CFDP1: variants seen among roughly 807,000 people sequenced by gnomAD.
CFDP1 encodes heterochromatin-stabilizing protein CFDP1.
A neutral mutation model predicts 40.1 loss-of-function variants in CFDP1; 31 were observed. The observed-to-expected ratio is 0.77, with a 90% CI of 0.58 to 1.04. CFDP1 has a LOEUF of 1.04. Ranked by LOEUF, CFDP1 falls within the 50% of genes least tolerant of loss-of-function variation. The probability of loss-of-function intolerance (pLI) is 0.00; values close to 1 mark genes in which losing one functional copy is unlikely to be tolerated. For synonymous variants in CFDP1, 167 were observed against 120.0 expected (o/e 1.39, Z -2.56); for missense variants, 423 against 343.4 (o/e 1.23, Z -1.83).
intron 5 of CFDP1, among the ~76,000 whole-genome samples, chr16:75,345,476 A>T (rs890038557): frequency 3.7e-4 from 56 of 152,054 alleles, no homozygotes; most frequent in Non-Finnish European, 6.8e-4. Context: ...ACAAAACAAA[A>T]AAAAACAAAA....
chr16:75,330,590 G>GAAACAA (rs2078438741), intron 5 of CFDP1, among the ~76,000 whole-genome samples: 1 of 152,012 alleles, frequency 6.6e-6, no homozygotes, highest in Admixed American at 6.6e-5. Flanking sequence ...ACTCCATCTC[G>GAAACAA]AAACAAAAAC....
At chr16:75,346,301 G>A (rs1044238733) in intron 5 of CFDP1, among the ~76,000 whole-genome samples, 4 of 152,090 alleles carry the variant, frequency 2.6e-5, no homozygotes, top group African/African-American at 9.7e-5. Flanking sequence ...GCACCAGGTA[G>A]GGCTGGGCAT....
chr16:75,420,705 A>G (rs929486933), intron 1 of CFDP1, among the ~76,000 whole-genome samples: 2 of 152,242 alleles, frequency 1.3e-5, no homozygotes, highest in African/African-American at 4.8e-5. Flanking sequence ...CACTAAAAAG[A>G]GTAGGTTGAA....
At chr16:75,325,286 G>C (rs1011270606) in intron 5 of CFDP1, among the ~76,000 whole-genome samples, 2 of 152,166 alleles carry the variant, frequency 1.3e-5, no homozygotes, top group Admixed American at 1.3e-4. Flanking sequence ...ACAGCCCCTT[G>C]TATAGTCCCC....
chr16:75,414,783 A>T, intron 1 of CFDP1, 88 bp from the exon 2 acceptor site: 1 of 823,094 alleles, frequency 1.2e-6, no homozygotes. Context: ...TTTCACACCG[A>T]GACATTTTCA....
intron 5 of CFDP1, among the ~76,000 whole-genome samples, chr16:75,382,179 A>C (rs1220616984): frequency 6.6e-6 from 1 of 151,906 alleles, no homozygotes; most frequent in East Asian, 1.9e-4. Context: ...GGGTATTCTG[A>C]GATAGAGTAC....
chr16:75,294,773 C>T (rs1461214575), intron 6 of CFDP1, among the ~76,000 whole-genome samples: 2 of 152,154 alleles, frequency 1.3e-5, no homozygotes, highest in African/African-American at 4.8e-5. Context: ...GGCCTCTGAT[C>T]TCTCCTTTCA....
At chr16:75,398,401 G>A (rs2079016034) in intron 4 of CFDP1, among the ~76,000 whole-genome samples, 1 of 152,198 alleles carries the variant, frequency 6.6e-6, no homozygotes. Context: ...CCCAGTTAGA[G>A]GGGGAGTCTG....
chr16:75,299,018 G>C (rs759677184), intron 6 of CFDP1, among the ~76,000 whole-genome samples: 100 of 152,144 alleles, frequency 6.6e-4, no homozygotes, highest in Non-Finnish European at 1.1e-3. Context: ...CTCCCCTTAA[G>C]TCAGTTGGCC....
At chr16:75,323,796 G>GTA (rs1300889286) in intron 5 of CFDP1, among the ~76,000 whole-genome samples, 2 of 135,510 alleles carry the variant, frequency 1.5e-5, no homozygotes, top group African/African-American at 5.2e-5. Flanking sequence ...AAAAAAAAAA[G>GTA]TATACTATAC....
chr16:75,367,540 C>G (rs1170596858), intron 5 of CFDP1, among the ~76,000 whole-genome samples: 2 of 151,994 alleles, frequency 1.3e-5, no homozygotes, highest in African/African-American at 4.8e-5. Context: ...CATCTGTAAT[C>G]CCAACACTGT....
chr16:75,422,605 G>A (rs1036624861), intron 1 of CFDP1, among the ~76,000 whole-genome samples: 19 of 149,770 alleles, frequency 1.3e-4, no homozygotes, highest in African/African-American at 4.4e-4. Context: ...ATGTTCGTCA[G>A]ACTAGTCTTG....
intron 4 of CFDP1, among the ~76,000 whole-genome samples, chr16:75,404,443 G>C (rs1200140771): frequency 2.0e-5 from 3 of 151,752 alleles, no homozygotes; most frequent in Non-Finnish European, 4.4e-5. Flanking sequence ...GGATGGTCTC[G>C]ATCTCCTGAC....
chr16:75,346,582 C>CAAAAAAAAAAAAAAAAAAAAAAAAAAA, intron 5 of CFDP1, among the ~76,000 whole-genome samples: 1 of 59,346 alleles, frequency 1.7e-5, no homozygotes, highest in East Asian at 6.0e-4. Flanking sequence ...GACTCTGTCT[C>CAAAAAAAAAAAAAAAAAAAAAAAAAAA]AAAAAAAAAA....
At chr16:75,316,198 C>T (rs954824354) in intron 5 of CFDP1, among the ~76,000 whole-genome samples, 4 of 152,192 alleles carry the variant, frequency 2.6e-5, no homozygotes, top group Admixed American at 1.3e-4. Context: ...CGATGCCAAG[C>T]GTGATCCCTT....
chr16:75,422,890 T>C (rs1473415702), intron 1 of CFDP1, among the ~76,000 whole-genome samples: 2 of 151,412 alleles, frequency 1.3e-5, no homozygotes, highest in African/African-American at 2.4e-5. Flanking sequence ...ACACCTGTAA[T>C]GCCAGCACTT....
At chr16:75,343,438 A>C (rs1458010685) in intron 5 of CFDP1, among the ~76,000 whole-genome samples, 1 of 152,182 alleles carries the variant, frequency 6.6e-6, no homozygotes. Context: ...TTTTTCCAGC[A>C]AAAAAGGTGC....
At chr16:75,393,735 CGCAAAAAAAAAAAAAAA>C (rs2078971888) in intron 5 of CFDP1, among the ~76,000 whole-genome samples, 1 of 26,168 alleles carries the variant, frequency 3.8e-5, no homozygotes, top group African/African-American at 1.6e-4. Flanking sequence ...GAGACTCCGT[CGCAAAAAAAAAAAAAAA>C]AAAAAAAAAA....
Position 75,409,749 on chromosome 16 carries a change from C to A in CFDP1, c.530+2076G>T, listed in dbSNP as rs190031804. On this transcript the variant is annotated intron_variant, in intron 4 of 6. Transcript: ENST00000283882. ...TGGTTCAGCCAAAACAAAAGAAAAA[C>A]CCAGATATAGATGGTGAGAGAGAGG... 4.1e-3 allele frequency among the ~76,000 whole-genome samples: 626 copies of A among 152,124 alleles called. 5 individuals are homozygous for A. The highest frequency in any genetic ancestry group is 0.014 in the African/African-American group (561 of 41,510).
Sources: gnomAD v4.1 joint callset for allele counts (sites outside exome capture counted in the v4.1 genomes callset) on GRCh38, gnomAD v4.1.1 for gene constraint, MANE v1.5 for transcripts, NCBI Gene and HGNC (gene_info 2026-07-23, HGNC 2026-07-21) for gene names.